Variants in DSCAM observed in about 807,000 individuals in gnomAD.
The protein encoded by DSCAM is DS cell adhesion molecule.
A neutral mutation model predicts 217.7 loss-of-function variants in DSCAM; 47 were observed. The ratio of observed to expected loss-of-function variants is 0.22; its 90% confidence interval spans 0.17 to 0.28. The LOEUF is 0.28. DSCAM is among the 10% of genes least tolerant of loss of function. The probability of loss-of-function intolerance (pLI) is 1.00; values close to 1 mark genes in which losing one functional copy is unlikely to be tolerated. For synonymous variants in DSCAM, 1,056 were observed against 1,015.3 expected, an observed-to-expected ratio of 1.04 and a Z score of -0.76; for missense variants, 2,080 against 2,618.3, an observed-to-expected ratio of 0.79 and a Z score of 4.49.
intron 15 of DSCAM, among the ~76,000 whole-genome samples, chr21:40,177,679 A>G (rs981693208): frequency 1.3e-5 from 2 of 152,230 alleles, no homozygotes; most frequent in Non-Finnish European, 2.9e-5. Context: ...GTTTATACTA[A>G]TGAAAACTCG....
At position 40,042,459 on chromosome 21, in the gene DSCAM, C is replaced by T. The variant is rs372886630; in HGVS notation, c.5598G>A (p.Ser1866=). ...DSLTSSTPSE[S]GICRFTASPP... is the part of the protein sequence containing the mutation. ...GAGATGCAGTGAACCTGCAGATTCCCGATTCGGAAGGGGTGCTGGAGGTCA... is the reference window on the plus strand; with the variant it reads ...GAGATGCAGTGAACCTGCAGATTCCTGATTCGGAAGGGGTGCTGGAGGTCA... The change falls in exon 32 of 33, where the codon TCG becomes TCA. Residue 1866 remains serine (S), a synonymous_variant. Coordinates refer to ENST00000400454, the MANE Select transcript of DSCAM (RefSeq NM_001389.5). 6.4e-5 allele frequency: 103 copies of T among 1,614,020 alleles called. No individual in the cohort carries two copies. The highest frequency in any genetic ancestry group is 7.9e-5 in the Non-Finnish European group (93 of 1,180,018).
At chr21:40,305,927 T>A (rs1384886259) in intron 9 of DSCAM, among the ~76,000 whole-genome samples, 2 of 152,180 alleles carry the variant, frequency 1.3e-5, no homozygotes, top group Non-Finnish European at 2.9e-5. Context: ...CGACGCGGGC[T>A]CTTTTTTTGT....
At chr21:40,631,996 G>A (rs75378986) in intron 3 of DSCAM, among the ~76,000 whole-genome samples, 304 of 152,324 alleles carry the variant, frequency 2.0e-3, no homozygotes, top group African/African-American at 7.0e-3. Flanking sequence ...GCCTCCCTGC[G>A]CTACTGCACA....
intron 9 of DSCAM, among the ~76,000 whole-genome samples, chr21:40,304,439 G>A (rs149010268): frequency 1.3e-5 from 2 of 152,344 alleles, no homozygotes; most frequent in Non-Finnish European, 2.9e-5. Flanking sequence ...CAACGAGGTT[G>A]TTTCACTTTA....
At chr21:40,575,006 G>A (rs368743447) in intron 3 of DSCAM, among the ~76,000 whole-genome samples, 3 of 144,876 alleles carry the variant, frequency 2.1e-5, no homozygotes. Flanking sequence ...CATCCCCTGT[G>A]ACCTTCACAT....
chr21:40,201,109 T>G (rs1211856204), intron 11 of DSCAM, among the ~76,000 whole-genome samples: 1 of 152,108 alleles, frequency 6.6e-6, no homozygotes, highest in Non-Finnish European at 1.5e-5. Flanking sequence ...CAAGCTGGAG[T>G]GGGTCATATT....
chr21:40,420,760 G>A (rs2075416317), intron 3 of DSCAM, among the ~76,000 whole-genome samples: 1 of 152,096 alleles, frequency 6.6e-6, no homozygotes, highest in African/African-American at 2.4e-5. Flanking sequence ...TGACCCTGAA[G>A]GCAGATATCA....
intron 4 of DSCAM, among the ~76,000 whole-genome samples, chr21:40,366,589 AC>A (rs2123691590): frequency 6.6e-6 from 1 of 152,280 alleles, no homozygotes; most frequent in East Asian, 1.9e-4. Flanking sequence ...TTTTGTAGTT[AC>A]TTATAATCAA....
intron 3 of DSCAM, among the ~76,000 whole-genome samples, chr21:40,490,355 A>G (rs1229988200): frequency 1.1e-4 from 16 of 152,174 alleles, no homozygotes; most frequent in Admixed American, 1.0e-3. Flanking sequence ...TTTTTAAAAA[A>G]ATGGAATCTA....
At chr21:40,252,146 T>C (rs1039898244) in intron 11 of DSCAM, among the ~76,000 whole-genome samples, 1 of 152,226 alleles carries the variant, frequency 6.6e-6, no homozygotes, top group Non-Finnish European at 1.5e-5. Flanking sequence ...GTAAGCTATG[T>C]CTGGACTCCT....
At chr21:40,498,730 TG>T in intron 3 of DSCAM, among the ~76,000 whole-genome samples, 1 of 17,528 alleles carries the variant, frequency 5.7e-5, no homozygotes, top group African/African-American at 2.5e-4. Context: ...TATATATGGG[TG>T]TGTGTATATA....
At chr21:40,282,452 G>A (rs563900049) in intron 10 of DSCAM, among the ~76,000 whole-genome samples, 12 of 151,574 alleles carry the variant, frequency 7.9e-5, no homozygotes, top group East Asian at 5.8e-4. Flanking sequence ...TTAGCCGGGC[G>A]TGGTAGCGGG....
intron 6 of DSCAM, among the ~76,000 whole-genome samples, chr21:40,347,282 G>T (rs1257224718): frequency 7.1e-6 from 1 of 140,118 alleles, no homozygotes; most frequent in African/African-American, 2.9e-5. Context: ...TGGGCAGCAA[G>T]TGTGAAACTC....
chr21:40,030,067 GAC>G (rs2088489614), intron 32 of DSCAM, among the ~76,000 whole-genome samples: 1 of 152,302 alleles, frequency 6.6e-6, no homozygotes, highest in Admixed American at 6.5e-5. Flanking sequence ...CATATATGTT[GAC>G]ACACATGCAC....
At chr21:40,694,170 G>A (rs967379438) in intron 2 of DSCAM, among the ~76,000 whole-genome samples, 2 of 152,184 alleles carry the variant, frequency 1.3e-5, no homozygotes, top group Non-Finnish European at 1.5e-5. Context: ...CCAATTAGAT[G>A]TGCCAGCCTT....
At chr21:40,806,018 G>A (rs901138992) in intron 1 of DSCAM, among the ~76,000 whole-genome samples, 2 of 152,082 alleles carry the variant, frequency 1.3e-5, no homozygotes, top group Admixed American at 1.3e-4. Context: ...TAAACACAAT[G>A]TTTTCTAAGA....
rs1208241183 is a variant in DSCAM, at chr21:40,620,154, AAG to A, written c.508+72654_508+72655del. ...GAGAGAAAGAGAGAGAAAAAAGAAAAAGAAAGAAAGAGAGAGAGAAAGAGAGA... is the reference window on the plus strand; with the variant it reads ...GAGAGAAAGAGAGAGAAAAAAGAAAAAAAGAAAGAGAGAGAGAAAGAGAGA... On this transcript the variant is annotated intron_variant, in intron 3 of 32. Transcript: ENST00000400454. Among the ~76,000 whole-genome samples the A allele has an allele frequency of 1.6e-5, 2 of 128,208 alleles. 1 individual carries two copies. The highest frequency in any genetic ancestry group is 6.8e-5 in the African/African-American group (2 of 29,558). The allele number at this position is 128,208 out of a possible 152,430, so 84.1% of individuals were successfully genotyped here. A position where few individuals can be genotyped will look rare whatever the true frequency, so the allele number is the denominator to read the frequency against.
In DSCAM at chr21:40,651,203, G is replaced by A. The variant is rs545754108; in HGVS notation, c.508+41607C>T. On this transcript the variant is annotated intron_variant, in intron 3 of 32. Coordinates refer to ENST00000400454, the MANE Select transcript of DSCAM (RefSeq NM_001389.5). ...AACTCCAGGCCCTGTCTCCTGGGGT[G>A]GAGAAGCATCTAACACATGGACGGC... 2.6e-5 allele frequency among the ~76,000 whole-genome samples: 4 copies of A among 152,272 alleles called. No homozygotes were observed. In the South Asian group the frequency reaches 6.2e-4, roughly 24 times the overall value.
intron 1 of DSCAM, among the ~76,000 whole-genome samples, chr21:40,743,821 C>T (rs17000278): frequency 0.021 from 3,215 of 152,186 alleles, 117 homozygotes; most frequent in African/African-American, 0.074. Context: ...ATCAAATCTG[C>T]TGACCAATAG....
Sources: allele counts gnomAD v4.1 joint callset (sites outside exome capture counted in the v4.1 genomes callset), GRCh38; gene constraint gnomAD v4.1.1; transcripts MANE v1.5; gene names NCBI Gene and HGNC (gene_info 2026-07-23, HGNC 2026-07-21).